Variants in GPR108 observed in about 807,000 individuals in gnomAD.
GPR108 encodes G protein-coupled receptor 108.
In GPR108, 60 loss-of-function variants were observed where a neutral mutation model predicts 74.3. The ratio of observed to expected loss-of-function variants is 0.81; its 90% CI spans 0.66 to 1.00. The LOEUF is 1.00. Ranked by LOEUF, GPR108 falls within the 50% of genes least tolerant of loss-of-function variation. The pLI is 0.00. For synonymous variants in GPR108, 311 were observed against 292.4 expected, an observed-to-expected ratio of 1.06 and a Z score of -0.65; for missense variants, 667 against 703.3, an observed-to-expected ratio of 0.95 and a Z score of 0.58.
intron 2 of GPR108, among the ~76,000 whole-genome samples, chr19:6,736,325 G>C (rs1407779563): frequency 1.3e-5 from 2 of 152,102 alleles, no homozygotes; most frequent in Non-Finnish European, 2.9e-5. Flanking sequence ...TTGAACTCCT[G>C]GCCTCAGGCA....
At chr19:6,731,158 A>G in intron 16 of GPR108, 41 bp downstream of exon 16, 1 of 1,607,222 alleles carries the variant, frequency 6.2e-7, no homozygotes, top group Non-Finnish European at 8.5e-7. Flanking sequence ...CCCCACCCCC[A>G]CCGTGGCCGC....
chr19:6,731,448 C>G, intron 15 of GPR108, 25 bp downstream of exon 15: 1 of 1,526,944 alleles, frequency 6.5e-7, no homozygotes. Flanking sequence ...CCCCCAAACC[C>G]GCTGTGAGTG....
Position 6,734,170 on chromosome 19 carries a change from C to G in GPR108, c.499+13G>C. On this transcript the variant is annotated intron_variant, in intron 5 of 17. Transcript: ENST00000264080. ...GCCCATCCACCCCCGTCTGCACAGC[C>G]AGCCTGACTCACCGCCATCCACCTT... 3.1e-6 allele frequency: 5 copies of G among 1,614,224 alleles called. No homozygotes were observed. The highest frequency in any genetic ancestry group is 4.2e-6 in the Non-Finnish European group (5 of 1,180,038).
At position 6,736,636 on chromosome 19, in the gene GPR108, CG is replaced by C. The variant is rs1968644568; in HGVS notation, c.195del (p.Ser65ArgfsTer117). The C allele has an allele frequency of 6.2e-7, 1 of 1,613,980 alleles. No homozygotes were observed. On this transcript the variant is annotated frameshift_variant, in exon 2 of 18. Transcript: ENST00000264080. LOFTEE classifies it high-confidence loss of function. Reference protein sequence around the residue: ...YTNGSLEVELSVLRLGLREAE... With the variant: ...YTNGSLEVELXVLRLGLREAE... ...GCCTCCCGGAGGCCCAGCCGCAGGA[CG>C]CTCAACTCCACCTCCAGAGAGCCAT...
chr19:6,733,605 A>C lies in GPR108; in HGVS notation c.688T>G (p.Ser230Ala). 1 of 1,614,076 alleles carries C rather than the reference A, an allele frequency of 6.2e-7. No individual in the cohort carries two copies. The highest frequency in any genetic ancestry group is 8.5e-7 in the Non-Finnish European group (1 of 1,179,984). The change falls in exon 8 of 18, where the codon TCA (serine) becomes GCA (alanine). Residue 230 changes from serine to alanine, a missense_variant. By Grantham distance (99) the Ser-to-Ala change is moderately conservative (BLOSUM62 1). Transcript: ENST00000264080. ...AATGGATGCTCCTTTCCTGGCACTG[A>C]ATTGTTGCAGTTGTGGAAGTTCAGG... is the stretch of plus-strand genomic sequence containing the variant. ...YSLNFHNCNN[S>A]VPGKEHPFDI... is the part of the protein sequence containing the mutation.
At position 6,730,176 on chromosome 19, in the gene GPR108, C is replaced by A. The variant is rs760256186; in HGVS notation, c.*136G>T. 11 of 805,636 alleles carry A rather than the reference C, an allele frequency of 1.4e-5. 1 individual carries two copies. The South Asian group carries it at 1.7e-4, about 12-fold the overall frequency. The allele number at this position is 805,636 out of a possible 1,614,324, so 49.9% of individuals were successfully genotyped here. A position where few individuals can be genotyped will look rare whatever the true frequency, so the allele number is the denominator to read the frequency against. Reference sequence around the variant, plus strand: ...GACTCTTCTTCCAAATGGGCTTGTCCGGGAACCGGGGTCCCGGGGAGCTGG... The same window carrying A: ...GACTCTTCTTCCAAATGGGCTTGTCAGGGAACCGGGGTCCCGGGGAGCTGG... On this transcript the variant is annotated 3_prime_UTR_variant, in exon 18 of 18. Coordinates refer to ENST00000264080, the MANE Select transcript of GPR108 (RefSeq NM_001080452.2).
chr19:6,733,254 C>A lies in GPR108; in HGVS notation c.771G>T (p.Glu257Asp), dbSNP rs1369869955. Residue 257 changes from glutamate to aspartate, a missense_variant, in exon 9 of 18, where the codon GAG (glutamate) becomes GAT (aspartate). Transcript: ENST00000264080. ...KNPDGFLSAAEMPLFKLYMVM... is the reference protein window; with the variant it reads ...KNPDGFLSAADMPLFKLYMVM... ...CCATGTAGAGCTTGAAAAGGGGCAT[C>A]TCCGCTGCCGACAGGAAGCCATCGG... 2 of 1,613,948 alleles carry A rather than the reference C, an allele frequency of 1.2e-6. No individual in the cohort carries two copies. The highest frequency in any genetic ancestry group is 2.7e-5 in the African/African-American group (2 of 75,058).
At chr19:6,735,766 G>T in intron 3 of GPR108, 62 bp from the exon 4 acceptor site, 1 of 1,564,766 alleles carries the variant, frequency 6.4e-7, no homozygotes, top group Non-Finnish European at 8.8e-7. Flanking sequence ...GCTCCACCCT[G>T]TCTCCCTCCC....
intron 17 of GPR108, 66 bp downstream of exon 17, chr19:6,730,921 C>CCG: frequency 6.8e-6 from 10 of 1,478,116 alleles, no homozygotes; most frequent in Non-Finnish European, 9.3e-6. Context: ...CCACCCTGCC[C>CCG]GTAGAGCTGC....
chr19:6,732,281 C>A lies in GPR108; in HGVS notation c.1107G>T (p.Gly369=). The A allele has an allele frequency of 6.2e-7, 1 of 1,612,708 alleles. No homozygotes were observed. Among genetic ancestry groups the A allele is most frequent in the South Asian group, 1.1e-5 (1 of 91,082 alleles). The change falls in exon 12 of 18, where the codon GGG becomes GGT. Residue 369 remains glycine (G), a synonymous_variant. Coordinates refer to ENST00000264080, the MANE Select transcript of GPR108 (RefSeq NM_001080452.2). Reference sequence around the variant, plus strand: ...TCCGCACCTGCATGGGGATCACGATCCCAAAGACCTTCTTCTCCTTATCCG... The same window carrying A: ...TCCGCACCTGCATGGGGATCACGATACCAAAGACCTTCTTCTCCTTATCCG... ...VLSDKEKKVF[G]IVIPMQVLAN...
At chr19:6,731,985 T>G (rs1460990487) in intron 13 of GPR108, 40 bp downstream of exon 13, 2 of 1,613,450 alleles carry the variant, frequency 1.2e-6, no homozygotes, top group Non-Finnish European at 1.7e-6. Flanking sequence ...ATCGCCCATG[T>G]GCACAGGGCA....
intron 11 of GPR108, 42 bp from the exon 12 acceptor site, chr19:6,732,422 A>G: frequency 2.5e-6 from 4 of 1,609,458 alleles, no homozygotes; most frequent in Non-Finnish European, 3.4e-6. Context: ...GTGGGGGGCC[A>G]ACCCTCCCCT....
Position 6,734,100 on chromosome 19 carries a change from G to C in GPR108, c.500-46C>G, listed in dbSNP as rs1274308807. The stretch of plus-strand genomic sequence containing the variant: ...ATTTTAAGAGATGGATGGATGGATA[G>C]AGGGGCAGTGGGAAAACGGCATGGG... On this transcript the variant is annotated intron_variant, in intron 5 of 17. Transcript: ENST00000264080. 6 of 1,614,044 alleles carry C rather than the reference G, an allele frequency of 3.7e-6. No individual in the cohort carries two copies. In the East Asian group the frequency reaches 1.3e-4, roughly 36 times the overall value.
Position 6,731,488 on chromosome 19 carries a change from C to G in GPR108, c.1335G>C (p.Arg445=), listed in dbSNP as rs1289040523. The change falls in exon 15 of 18, where the codon CGG becomes CGC. Residue 445 remains arginine, a synonymous_variant. Coordinates refer to ENST00000264080, the MANE Select transcript of GPR108 (RefSeq NM_001080452.2). The part of the protein sequence containing the change: ...AVNLAKLKLF[R]HYYVMVICYV... ...GGGCTCCTACCATGACATAGTAATG[C>G]CGGAACAGCTTCAGCTTGGCCAGGT... 6.5e-7 allele frequency: 1 copy of G among 1,539,306 alleles called. No homozygotes were observed. The highest frequency in any genetic ancestry group is 1.4e-5 in the African/African-American group (1 of 71,766).
In GPR108 at chr19:6,731,199, C is replaced by T. The variant is rs1968386065; in HGVS notation, c.1434G>A (p.Gln478=). The T allele has an allele frequency of 1.3e-6, 2 of 1,588,160 alleles. No homozygotes were observed. The highest frequency in any genetic ancestry group is 1.7e-6 in the Non-Finnish European group (2 of 1,164,204). Residue 478 remains glutamine (Q), a splice_region_variant and synonymous_variant, in exon 16 of 18, where the codon CAG becomes CAA. Coordinates refer to ENST00000264080, the MANE Select transcript of GPR108 (RefSeq NM_001080452.2). ...AVPFQWQWLY[Q]LLVEGSTLAF... ...CGTCCCACCTGGGCCTCGGGCTCAC[C>T]TGGTACAGCCACTGCCACTGAAAGG...
At chr19:6,732,702 T>C (rs1204474917) in intron 10 of GPR108, 153 bp from the exon 11 acceptor site, 2 of 692,334 alleles carry the variant, frequency 2.9e-6, no homozygotes, top group African/African-American at 3.5e-5. Context: ...AAACTGGTAA[T>C]CGGGGCTGAA....
At chr19:6,736,789 TC>T in intron 1 of GPR108, 78 bp from the exon 2 acceptor site, 1 of 1,598,092 alleles carries the variant, frequency 6.3e-7, no homozygotes, top group Non-Finnish European at 8.5e-7. Context: ...CACGAGGACC[TC>T]CAGAAGGGCC....
chr19:6,730,936 C>G, intron 17 of GPR108, 51 bp downstream of exon 17: 2 of 1,594,808 alleles, frequency 1.3e-6, no homozygotes, highest in Non-Finnish European at 1.7e-6. Flanking sequence ...AGCTGCCCAC[C>G]CCCTACTCCA....
intron 1 of GPR108, 86 bp downstream of exon 1, chr19:6,737,371 G>A: frequency 2.1e-6 from 3 of 1,439,912 alleles, no homozygotes; most frequent in East Asian, 5.5e-5. Context: ...GGACGGGGGA[G>A]GGCGGACGAG....
Sources: gnomAD v4.1 joint callset for allele counts (sites outside exome capture counted in the v4.1 genomes callset) on GRCh38, gnomAD v4.1.1 for gene constraint, MANE v1.5 for transcripts, NCBI Gene and HGNC (gene_info 2026-07-23, HGNC 2026-07-21) for gene names.